LARS2: variants seen among roughly 807,000 people sequenced by gnomAD.
LARS2 encodes the protein leucyl-tRNA synthetase 2, mitochondrial, also known as leucine--tRNA ligase, mitochondrial.
In LARS2, 81 loss-of-function variants were observed where a neutral mutation model predicts 116.6. The ratio of observed to expected loss-of-function variants is 0.69; its 90% CI spans 0.58 to 0.84. The LOEUF (loss-of-function observed/expected upper bound fraction) is 0.84. LARS2 is among the 40% of genes least tolerant of loss of function. The pLI is 0.00. For synonymous variants in LARS2, 396 were observed against 407.2 expected, an observed-to-expected ratio of 0.97 and a Z score of 0.33; for missense variants, 968 against 1,114.5, an observed-to-expected ratio of 0.87 and a Z score of 1.87.
chr3:45,423,205 C>T (rs1466418780), intron 6 of LARS2, among the ~76,000 whole-genome samples: 1 of 152,096 alleles, frequency 6.6e-6, no homozygotes, highest in Non-Finnish European at 1.5e-5. Flanking sequence ...AGAAAAGTAG[C>T]AGGTAATTAA....
intron 20 of LARS2, among the ~76,000 whole-genome samples, chr3:45,530,019 A>G (rs1700591893): frequency 6.6e-6 from 1 of 152,186 alleles, no homozygotes; most frequent in African/African-American, 2.4e-5. Context: ...AGAGTCAGTC[A>G]AAACACGACT....
chr3:45,451,000 G>A (rs1157711140), intron 7 of LARS2, among the ~76,000 whole-genome samples: 2 of 152,030 alleles, frequency 1.3e-5, no homozygotes, highest in Non-Finnish European at 2.9e-5. Context: ...TTTGAGAAAT[G>A]TCTATATAGG....
At chr3:45,446,404 G>A (rs546248860) in intron 6 of LARS2, among the ~76,000 whole-genome samples, 1 of 152,124 alleles carries the variant, frequency 6.6e-6, no homozygotes, top group African/African-American at 2.4e-5. Flanking sequence ...TGGAATATAC[G>A]AGTCTAAAGG....
chr3:45,477,896 T>A (rs1219193213), intron 10 of LARS2, among the ~76,000 whole-genome samples: 1 of 152,162 alleles, frequency 6.6e-6, no homozygotes, highest in African/African-American at 2.4e-5. Context: ...CTTAAGACTT[T>A]GTTTACTTAG....
intron 8 of LARS2, among the ~76,000 whole-genome samples, chr3:45,461,943 AT>A (rs1420146162): frequency 5.3e-5 from 8 of 152,202 alleles, no homozygotes; most frequent in Non-Finnish European, 7.4e-5. Flanking sequence ...TTGGGAAATT[AT>A]TTGGGAAATT....
chr3:45,465,523 C>G (rs541718421), intron 8 of LARS2, among the ~76,000 whole-genome samples: 2 of 152,298 alleles, frequency 1.3e-5, no homozygotes, highest in African/African-American at 4.8e-5. Flanking sequence ...CCTGTCACTT[C>G]CCAGGCAAGC....
intron 10 of LARS2, among the ~76,000 whole-genome samples, chr3:45,484,622 A>T (rs71325065): frequency 0.087 from 1,255 of 14,504 alleles, 65 homozygotes; most frequent in East Asian, 0.16. Flanking sequence ...AAAAAAAAAA[A>T]AAAAAAAAAT....
In LARS2 at chr3:45,438,664, C is replaced by CAA. The variant is rs34358676; in HGVS notation, c.517-8209_517-8208dup. Among the ~76,000 whole-genome samples the CAA allele has an allele frequency of 3.9e-4, 53 of 135,634 alleles. 1 individual carries two copies. The highest frequency in any genetic ancestry group is 3.6e-3 in the Middle Eastern group (1 of 274). The allele number at this position is 135,634 out of a possible 152,430, so 89.0% of individuals were successfully genotyped here. ...GAAACCCCATCTCTACTAAAAATAC[C>CAA]AAAAAAAAAAAAAAAAAAATTTTAG... On this transcript the variant is annotated intron_variant, in intron 6 of 21. Coordinates refer to ENST00000645846, the MANE Select transcript of LARS2 (RefSeq NM_015340.4).
chr3:45,498,720 C>G (rs1178531707), intron 14 of LARS2, among the ~76,000 whole-genome samples: 1 of 152,216 alleles, frequency 6.6e-6, no homozygotes. Flanking sequence ...ACGGCATTAC[C>G]TTGGCAACAC....
chr3:45,500,589 T>TA lies in LARS2; in HGVS notation c.1760+11dup. ...AAATGGTTAAACATAGGTAAGCACT[T>TA]ATACTGCTTTGCAAAATAATTGAGT... On this transcript the variant is annotated intron_variant, in intron 15 of 21. Transcript: ENST00000645846. The TA allele has an allele frequency of 6.5e-7, 1 of 1,539,716 alleles. No individual in the cohort carries two copies. The highest frequency in any genetic ancestry group is 2.4e-5 in the East Asian group (1 of 41,042).
rs1168451526 is a variant in LARS2 at position 45,470,913 on chromosome 3, G to A, written c.751-3330G>A. Among the ~76,000 whole-genome samples, 6 of 151,852 alleles carry A rather than the reference G, an allele frequency of 4.0e-5. No homozygotes were observed. In the East Asian group the frequency reaches 1.2e-3, roughly 29 times the overall value. ...AAACCTGATATTTTCCCAGGTTTTT[G>A]GATTCTGTGAGCCAGTGGGATTTTA... On this transcript the variant is annotated intron_variant, in intron 8 of 21. Coordinates refer to ENST00000645846, the MANE Select transcript of LARS2 (RefSeq NM_015340.4).
chr3:45,471,868 ATTGT>A (rs1699530690), intron 8 of LARS2, among the ~76,000 whole-genome samples: 1 of 152,236 alleles, frequency 6.6e-6, no homozygotes, highest in Admixed American at 6.5e-5. Context: ...TAGAAGATTA[ATTGT>A]TTATTAACAT....
Position 45,394,462 on chromosome 3 carries a change from T to C in LARS2, c.9T>C (p.Ser3=). MA[S]VWQRLGFYAS... ...TTCTCACCTTCTGAAGAATGGCTTC[T>C]GTTTGGCAGAGATTGGGTTTTTATG... is the stretch of plus-strand genomic sequence containing the variant. The change falls in exon 3 of 22, where the codon TCT becomes TCC. Residue 3 remains serine, a synonymous_variant. Transcript: ENST00000645846. The C allele has an allele frequency of 1.2e-6, 2 of 1,613,948 alleles. No homozygotes were observed.
chr3:45,509,656 A>G (rs1356630201), intron 15 of LARS2: 1 of 152,090 alleles, frequency 6.6e-6, no homozygotes, highest in Non-Finnish European at 1.5e-5. Flanking sequence ...GAGCTAAACT[A>G]CGCATGAGAG....
intron 15 of LARS2, among the ~76,000 whole-genome samples, chr3:45,508,168 G>T (rs1254260380): frequency 6.6e-6 from 1 of 152,004 alleles, no homozygotes; most frequent in Non-Finnish European, 1.5e-5. Flanking sequence ...CTTCAGTTTG[G>T]AATCAACAGA....
In LARS2 at chr3:45,476,719, A is replaced by G. The variant is rs78791385; in HGVS notation, c.1018+92A>G. ...AGTTCAAGGTCCTTTCCTCTATGTC[A>G]TCTTGCGTGGGTTGTTCTTTGCCTT... On this transcript the variant is annotated intron_variant, in intron 10 of 21. Coordinates refer to ENST00000645846, the MANE Select transcript of LARS2 (RefSeq NM_015340.4). 9.2e-4 allele frequency: 1,215 copies of G among 1,315,602 alleles called. 16 individuals carry two copies. The East Asian group carries it at 0.025, about 27-fold the overall frequency. 81.5% of individuals were successfully genotyped at this position (1,315,602 alleles called of 1,614,324 possible).
chr3:45,485,104 T>C (rs971650158), intron 10 of LARS2, among the ~76,000 whole-genome samples: 8 of 152,222 alleles, frequency 5.3e-5, no homozygotes, highest in African/African-American at 1.9e-4. Context: ...AGTGTCCTCA[T>C]ACTTTTTTCT....
At chr3:45,463,657 T>G (rs914632675) in intron 8 of LARS2, among the ~76,000 whole-genome samples, 1 of 152,090 alleles carries the variant, frequency 6.6e-6, no homozygotes, top group African/African-American at 2.4e-5. Flanking sequence ...TCCTTCTCTG[T>G]GGTCTGAATT....
intron 20 of LARS2, among the ~76,000 whole-genome samples, chr3:45,537,499 A>G (rs1007080849): frequency 1.3e-5 from 2 of 152,218 alleles, no homozygotes; most frequent in African/African-American, 4.8e-5. Context: ...AGAATAAGAT[A>G]CCCACTGATG....
Sources: gnomAD v4.1 joint callset for allele counts (sites outside exome capture counted in the v4.1 genomes callset) on GRCh38, gnomAD v4.1.1 for gene constraint, MANE v1.5 for transcripts, NCBI Gene and HGNC (gene_info 2026-07-23, HGNC 2026-07-21) for gene names.